STOX2: variants seen among roughly 807,000 people sequenced by gnomAD.
STOX2 encodes the protein storkhead box 2, also known as storkhead-box protein 2.
STOX2 carries 28 observed loss-of-function variants against 60.9 expected under a neutral mutation model. The ratio of observed to expected loss-of-function variants is 0.46; its 90% CI spans 0.34 to 0.63. The LOEUF (loss-of-function observed/expected upper bound fraction) is 0.63. Among genes scored for constraint, STOX2 ranks in the 30% least tolerant of loss-of-function variants. The pLI is 0.01. For synonymous variants in STOX2, 472 were observed against 463.9 expected, an observed-to-expected ratio of 1.02 and a Z score of -0.22; for missense variants, 1,024 against 1,187.7, an observed-to-expected ratio of 0.86 and a Z score of 2.03.
chr4:183,999,974 G>A (rs1268064082), intron 1 of STOX2, among the ~76,000 whole-genome samples: 1 of 152,198 alleles, frequency 6.6e-6, no homozygotes, highest in Non-Finnish European at 1.5e-5. Flanking sequence ...AACAAAAAAG[G>A]CTAGATTATG....
Position 184,022,321 on chromosome 4 carries a change from C to T in STOX2, c.*5037C>T, listed in dbSNP as rs1370445044. ...TTGGCACCTTCCTATTGAGTTAATT[C>T]TCTGCATCTTTTGCAGCAGCAGCCC... is the stretch of plus-strand genomic sequence containing the variant. On this transcript the variant is annotated 3_prime_UTR_variant, in exon 4 of 4. Transcript: ENST00000308497. 6.6e-6 allele frequency: 1 copy of T among 152,128 alleles called. No individual in the cohort carries two copies. The highest frequency in any genetic ancestry group is 1.5e-5 in the Non-Finnish European group (1 of 68,036). 9.4% of individuals were successfully genotyped at this position (152,128 alleles called of 1,614,324 possible).
At position 184,009,494 on chromosome 4, in the gene STOX2, C is replaced by T; in HGVS notation, c.656C>T (p.Ala219Val). ...GCACCCACCCTGCAAAGGAAGTCTG[C>T]CAAGGACTGCAAAGACCCTTACTGT... is the stretch of plus-strand genomic sequence containing the variant. ...THAPTLQRKS[A>V]KDCKDPYCPP... is the part of the protein sequence containing the mutation. The change falls in exon 3 of 4, where the codon GCC becomes GTC. Residue 219 changes from alanine (A) to valine (V), a missense_variant. This residue lies in a region of STOX2 where 922 missense variants were observed against 1,058.3 expected (regional missense o/e 0.87). Coordinates refer to ENST00000308497, the MANE Select transcript of STOX2 (RefSeq NM_020225.3). This position sits in a 1 kb window ranked among gnomAD's most constrained non-coding sequence, Gnocchi z 4.0. The T allele has an allele frequency of 6.2e-7, 1 of 1,614,028 alleles. No homozygotes were observed. Among genetic ancestry groups the T allele is most frequent in the Non-Finnish European group, 8.5e-7 (1 of 1,179,892 alleles).
intron 1 of STOX2, among the ~76,000 whole-genome samples, chr4:183,896,190 T>C (rs1440758915): frequency 2.0e-5 from 3 of 152,232 alleles, no homozygotes; most frequent in Admixed American, 6.5e-5. Context: ...TATAGTGATC[T>C]TTTAGGTAGA....
intron 1 of STOX2, among the ~76,000 whole-genome samples, chr4:183,840,483 G>A (rs1162047502): frequency 6.6e-6 from 1 of 152,158 alleles, no homozygotes; most frequent in African/African-American, 2.4e-5. Flanking sequence ...CAGATAAACT[G>A]GTGATGCTTT....
At chr4:184,012,260 TCTC>T (rs1267737402) in intron 3 of STOX2, among the ~76,000 whole-genome samples, 1 of 152,160 alleles carries the variant, frequency 6.6e-6, no homozygotes, top group Non-Finnish European at 1.5e-5. Flanking sequence ...AACTCTTTCT[TCTC>T]CTCAAAGAGC....
chr4:183,800,371 G>A (rs1261046739), intron 1 of STOX2, among the ~76,000 whole-genome samples: 6 of 152,284 alleles, frequency 3.9e-5, no homozygotes, highest in South Asian at 2.1e-4. Flanking sequence ...TCTGAAAAGC[G>A]TGATGTTATA....
chr4:183,892,315 G>T (rs1337513252), intron 1 of STOX2, among the ~76,000 whole-genome samples: 4 of 152,190 alleles, frequency 2.6e-5, no homozygotes, highest in Non-Finnish European at 5.9e-5. Flanking sequence ...GTCTCGCTCT[G>T]TCGCCCAGGC....
In STOX2 at chr4:184,010,074, C is replaced by G; in HGVS notation, c.1236C>G (p.Phe412Leu). The change falls in exon 3 of 4, where the codon TTC becomes TTG. Residue 412 changes from phenylalanine (F) to leucine (L), a missense_variant. Phe to Leu is a conservative substitution (Grantham distance 22). This residue lies in a region of STOX2 where 922 missense variants were observed against 1,058.3 expected (regional missense o/e 0.87). Transcript: ENST00000308497. The surrounding 1 kb of genome is among the most constrained non-coding windows in gnomAD (Gnocchi z 4.5). The stretch of plus-strand genomic sequence containing the variant: ...CCAGGGTGCCCAGGGAGGGCTGCTT[C>G]ATCATTGAACACAAAGGAGATAACT... The part of the protein sequence containing the change: ...PLTRVPREGC[F>L]IIEHKGDNFI... 6.2e-7 allele frequency: 1 copy of G among 1,611,042 alleles called. No homozygotes were observed. The highest frequency in any genetic ancestry group is 8.5e-7 in the Non-Finnish European group (1 of 1,178,566).
At chr4:184,003,407 A>G (rs914328288) in intron 2 of STOX2, among the ~76,000 whole-genome samples, 2 of 152,222 alleles carry the variant, frequency 1.3e-5, no homozygotes, top group African/African-American at 4.8e-5. Flanking sequence ...TCCATAGGTC[A>G]TTTGTACTTA....
rs1326378956 is a variant in STOX2, at chr4:184,022,076, C to T, written c.*4792C>T. On this transcript the variant is annotated 3_prime_UTR_variant, in exon 4 of 4. Coordinates refer to ENST00000308497, the MANE Select transcript of STOX2 (RefSeq NM_020225.3). ...AAAAGGCATGGAAAACACTGTTTTG[C>T]TTTGGGTTAGTAAAATGTGGGCAGG... 6.6e-6 allele frequency: 1 copy of T among 152,172 alleles called. No individual in the cohort carries two copies. Among genetic ancestry groups the T allele is most frequent in the Non-Finnish European group, 1.5e-5 (1 of 68,042 alleles). 9.4% of individuals were successfully genotyped at this position (152,172 alleles called of 1,614,324 possible). A position where few individuals can be genotyped will look rare whatever the true frequency, so the allele number is the denominator to read the frequency against.
At chr4:183,919,076 T>C (rs975857520) in intron 1 of STOX2, among the ~76,000 whole-genome samples, 11 of 152,238 alleles carry the variant, frequency 7.2e-5, no homozygotes, top group African/African-American at 2.7e-4. Flanking sequence ...GCCCAACTAA[T>C]TGAACTTGGA....
In STOX2 at chr4:183,906,704, T is replaced by G. The variant is rs1741622908; in HGVS notation, c.-87T>G. 1 of 1,352,424 alleles carries G rather than the reference T, an allele frequency of 7.4e-7. No individual in the cohort carries two copies. Among genetic ancestry groups the G allele is most frequent in the Non-Finnish European group, 9.8e-7 (1 of 1,022,782 alleles). 83.8% of individuals were successfully genotyped at this position (1,352,424 alleles called of 1,614,324 possible). A position where few individuals can be genotyped will look rare whatever the true frequency, so the allele number is the denominator to read the frequency against. ...AAAATGTGCGCAGAGTCCGCCCGGGTCGTGCCCGCCGTAGACGGATGAAGG... is the reference window on the plus strand; with the variant it reads ...AAAATGTGCGCAGAGTCCGCCCGGGGCGTGCCCGCCGTAGACGGATGAAGG... On this transcript the variant is annotated 5_prime_UTR_variant, in exon 1 of 4. Transcript: ENST00000308497.
At chr4:183,982,531 T>C (rs1260583168) in intron 1 of STOX2, among the ~76,000 whole-genome samples, 1 of 152,218 alleles carries the variant, frequency 6.6e-6, no homozygotes, top group Non-Finnish European at 1.5e-5. Context: ...TAAGAAAGTA[T>C]AATCTGTTAT....
chr4:183,952,981 T>C (rs1227391113), intron 1 of STOX2, among the ~76,000 whole-genome samples: 5 of 151,902 alleles, frequency 3.3e-5, no homozygotes, highest in Non-Finnish European at 7.4e-5. Context: ...AAGTGGGAGC[T>C]GAACAATGAG....
intron 1 of STOX2, among the ~76,000 whole-genome samples, chr4:183,841,600 A>C (rs1429466601): frequency 6.6e-6 from 1 of 152,178 alleles, no homozygotes; most frequent in African/African-American, 2.4e-5. Flanking sequence ...TTTTAAAATG[A>C]GGTTCATTTG....
At chr4:183,855,404 G>T (rs951078175) in intron 1 of STOX2, among the ~76,000 whole-genome samples, 1 of 152,044 alleles carries the variant, frequency 6.6e-6, no homozygotes, top group Admixed American at 6.6e-5. Flanking sequence ...TGGACTCTTG[G>T]GTCCTATCTG....
At chr4:184,008,184 C>T (rs755931665) in intron 2 of STOX2, among the ~76,000 whole-genome samples, 8 of 152,186 alleles carry the variant, frequency 5.3e-5, no homozygotes, top group African/African-American at 1.2e-4. Flanking sequence ...AGTATTACCA[C>T]CCTTTATGTG....
At chr4:184,000,459 C>T (rs1319992029) in intron 1 of STOX2, among the ~76,000 whole-genome samples, 1 of 152,118 alleles carries the variant, frequency 6.6e-6, no homozygotes, top group Admixed American at 6.5e-5. Context: ...ATCCCCACGG[C>T]CACCACAGTC....
intron 1 of STOX2, chr4:183,798,851 C>T (rs1214092869): frequency 9.4e-6 from 9 of 952,728 alleles, no homozygotes; most frequent in Middle Eastern, 5.3e-4. Context: ...ATCCAGTTTG[C>T]ATCGCCTGTA....
Sources: allele counts gnomAD v4.1 joint callset (sites outside exome capture counted in the v4.1 genomes callset), GRCh38; gene constraint gnomAD v4.1.1; regional missense constraint gnomAD v4.1.1; non-coding constraint Gnocchi (gnomAD v3.1); transcripts MANE v1.5; gene names NCBI Gene and HGNC (gene_info 2026-07-23, HGNC 2026-07-21).